Variants in FOXK1 observed in about 807,000 individuals in gnomAD.
FOXK1 encodes forkhead box K1, also known as forkhead box protein K1.
In FOXK1, 19 loss-of-function variants were observed where a neutral mutation model predicts 51.9. That is an observed-to-expected ratio of 0.37 (90% CI 0.26 to 0.54). The LOEUF (loss-of-function observed/expected upper bound fraction) is 0.54, where lower values mean the gene tolerates loss of function less well. Among genes scored for constraint, FOXK1 ranks in the 20% least tolerant of loss-of-function variants. FOXK1 has a pLI of 0.87. For synonymous variants in FOXK1, 537 were observed against 482.6 expected (o/e 1.11, Z -1.48); for missense variants, 870 against 1,032.7 (o/e 0.84, Z 2.16).
chr7:4,748,446 T>C lies in FOXK1; in HGVS notation c.747-6013T>C, dbSNP rs1780734137. Among the ~76,000 whole-genome samples, 1 of 152,198 alleles carries C rather than the reference T, an allele frequency of 6.6e-6. No individual in the cohort carries two copies. Among genetic ancestry groups the C allele is most frequent in the Non-Finnish European group, 1.5e-5 (1 of 68,040 alleles). On this transcript the variant is annotated intron_variant, in intron 2 of 8. Coordinates refer to ENST00000328914, the MANE Select transcript of FOXK1 (RefSeq NM_001037165.2). The surrounding 1 kb of genome is among the most constrained non-coding windows in gnomAD (Gnocchi z 4.9). ...TGTAGCGCTTAGCCATTTCCTTCCT[T>C]GTACTTTTGGCTTATTTCCGCCACA...
Position 4,761,371 on chromosome 7 carries a change from A to C in FOXK1, c.1921+83A>C, listed in dbSNP as rs1292541122. The C allele has an allele frequency of 7.6e-7, 1 of 1,317,286 alleles. No individual in the cohort carries two copies. Among genetic ancestry groups the C allele is most frequent in the African/African-American group, 1.5e-5 (1 of 68,734 alleles). 81.6% of individuals were successfully genotyped at this position (1,317,286 alleles called of 1,614,324 possible). Reference sequence around the variant, plus strand: ...CAGTGCGGCATGAGAATGTTCTCCCAGTATCTCCCGATCCTCCACTCAGTT... The same window carrying C: ...CAGTGCGGCATGAGAATGTTCTCCCCGTATCTCCCGATCCTCCACTCAGTT... On this transcript the variant is annotated intron_variant, in intron 8 of 8. Coordinates refer to ENST00000328914, the MANE Select transcript of FOXK1 (RefSeq NM_001037165.2). The surrounding 1 kb of genome is among the most constrained non-coding windows in gnomAD (Gnocchi z 6.2).
chr7:4,727,599 C>G (rs1226248437), intron 1 of FOXK1, among the ~76,000 whole-genome samples: 1 of 152,180 alleles, frequency 6.6e-6, no homozygotes, highest in East Asian at 1.9e-4. Context: ...ACAGGCTTAG[C>G]CACGGCGCCC....
chr7:4,719,767 C>T (rs1349536000), intron 1 of FOXK1, among the ~76,000 whole-genome samples: 1 of 152,226 alleles, frequency 6.6e-6, no homozygotes. Context: ...CAGGTTTGAG[C>T]CACCGCGCCC....
chr7:4,708,346 G>A (rs930416728), intron 1 of FOXK1, among the ~76,000 whole-genome samples: 8 of 152,124 alleles, frequency 5.3e-5, no homozygotes, highest in South Asian at 2.1e-4. Flanking sequence ...GGAAGCCCCC[G>A]TGGATCGGGA....
chr7:4,708,218 G>C (rs1351177032), intron 1 of FOXK1, among the ~76,000 whole-genome samples: 1 of 152,164 alleles, frequency 6.6e-6, no homozygotes, highest in Non-Finnish European at 1.5e-5. Flanking sequence ...ATGCTGTGTG[G>C]CTTTGTTTGG....
chr7:4,728,213 T>A (rs572027292), intron 1 of FOXK1, among the ~76,000 whole-genome samples: 1 of 152,330 alleles, frequency 6.6e-6, no homozygotes, highest in South Asian at 2.1e-4. Flanking sequence ...CGTTCTCTGA[T>A]TCTTTGGATC....
chr7:4,749,869 C>G lies in FOXK1; in HGVS notation c.747-4590C>G, dbSNP rs372818424. Among the ~76,000 whole-genome samples, 6 of 152,324 alleles carry G rather than the reference C, an allele frequency of 3.9e-5. No individual in the cohort carries two copies. In the South Asian group the frequency reaches 6.2e-4, roughly 16 times the overall value. On this transcript the variant is annotated intron_variant, in intron 2 of 8. Coordinates refer to ENST00000328914, the MANE Select transcript of FOXK1 (RefSeq NM_001037165.2). The surrounding 1 kb of genome is among the most constrained non-coding windows in gnomAD (Gnocchi z 6.0). Reference sequence around the variant, plus strand: ...GGATTTGCCTTTCTCAGCGTGACTTCTCATCATAACGTGACCCAGCGACCT... The same window carrying G: ...GGATTTGCCTTTCTCAGCGTGACTTGTCATCATAACGTGACCCAGCGACCT...
chr7:4,722,463 G>A lies in FOXK1; in HGVS notation c.561-18375G>A, dbSNP rs1216762789. ...CCGTGGCCAAGTGGCAGCGGTGCCGGACATACACGGCAGGGCAGTGGGCTG... is the reference window on the plus strand; with the variant it reads ...CCGTGGCCAAGTGGCAGCGGTGCCGAACATACACGGCAGGGCAGTGGGCTG... On this transcript the variant is annotated intron_variant, in intron 1 of 8. Coordinates refer to ENST00000328914, the MANE Select transcript of FOXK1 (RefSeq NM_001037165.2). The surrounding 1 kb of genome is among the most constrained non-coding windows in gnomAD (Gnocchi z 5.1). Among the ~76,000 whole-genome samples the A allele has an allele frequency of 1.3e-5, 2 of 152,256 alleles. No homozygotes were observed. Among genetic ancestry groups the A allele is most frequent in the African/African-American group, 2.4e-5 (1 of 41,472 alleles).
At chr7:4,727,496 A>G (rs1780395504) in intron 1 of FOXK1, among the ~76,000 whole-genome samples, 1 of 151,646 alleles carries the variant, frequency 6.6e-6, no homozygotes, top group South Asian at 2.1e-4. Context: ...TTATATATTT[A>G]GTAGAGACCC....
chr7:4,739,397 ATTGTTTTTGTTT>A (rs766361341), intron 1 of FOXK1, among the ~76,000 whole-genome samples: 26 of 152,108 alleles, frequency 1.7e-4, no homozygotes, highest in East Asian at 3.9e-4. Flanking sequence ...GCTGCTTTAC[ATTGTTTTTGTTT>A]TTGTTTTTGT....
intron 1 of FOXK1, among the ~76,000 whole-genome samples, chr7:4,688,801 G>C (rs1257868542): frequency 6.6e-6 from 1 of 151,814 alleles, no homozygotes; most frequent in African/African-American, 2.4e-5. Flanking sequence ...CTGTAAACTG[G>C]TTACTAGACC....
rs1263443396 is a variant in FOXK1 at position 4,731,927 on chromosome 7, C to T, written c.561-8911C>T. 1.3e-5 allele frequency among the ~76,000 whole-genome samples: 2 copies of T among 152,218 alleles called. No homozygotes were observed. Among genetic ancestry groups the T allele is most frequent in the Non-Finnish European group, 2.9e-5 (2 of 68,036 alleles). On this transcript the variant is annotated intron_variant, in intron 1 of 8. Coordinates refer to ENST00000328914, the MANE Select transcript of FOXK1 (RefSeq NM_001037165.2). This position sits in a 1 kb window ranked among gnomAD's most constrained non-coding sequence, Gnocchi z 5.3. ...GCCGTCCGGTCAGGACTGATGTTCA[C>T]GGCATGGAGACCTGAGGCCACACGG... is the stretch of plus-strand genomic sequence containing the variant.
chr7:4,737,540 G>A lies in FOXK1; in HGVS notation c.561-3298G>A, dbSNP rs189635882. Among the ~76,000 whole-genome samples the A allele has an allele frequency of 3.8e-3, 508 of 133,186 alleles. 2 individuals carry two copies. Among genetic ancestry groups the A allele is most frequent in the African/African-American group, 0.013 (431 of 33,354 alleles). 87.4% of individuals were successfully genotyped at this position (133,186 alleles called of 152,430 possible). A position where few individuals can be genotyped will look rare whatever the true frequency, so the allele number is the denominator to read the frequency against. On this transcript the variant is annotated intron_variant, in intron 1 of 8. Coordinates refer to ENST00000328914, the MANE Select transcript of FOXK1 (RefSeq NM_001037165.2). ...TGCATGCATGTGTGCATTCATGCAC[G>A]TGTGTGCGTGCCTGTGTGTGTGTGT...
At position 4,743,985 on chromosome 7, in the gene FOXK1, C is replaced by T. The variant is rs1333234095; in HGVS notation, c.746+2962C>T. ...TCCACCTCCCTGGTTCAAGCAATTCCCCTGTCTCAGCCTTGAGAGTAGGTG... is the reference window on the plus strand; with the variant it reads ...TCCACCTCCCTGGTTCAAGCAATTCTCCTGTCTCAGCCTTGAGAGTAGGTG... On this transcript the variant is annotated intron_variant, in intron 2 of 8. Transcript: ENST00000328914. This position sits in a 1 kb window ranked among gnomAD's most constrained non-coding sequence, Gnocchi z 5.3. Among the ~76,000 whole-genome samples, 1 of 151,946 alleles carries T rather than the reference C, an allele frequency of 6.6e-6. No homozygotes were observed. Among genetic ancestry groups the T allele is most frequent in the Non-Finnish European group, 1.5e-5 (1 of 67,994 alleles).
chr7:4,759,009 C>T (rs1331887278), intron 5 of FOXK1, 42 bp from the exon 6 acceptor site: 2 of 1,535,782 alleles, frequency 1.3e-6, no homozygotes, highest in South Asian at 1.3e-5. Flanking sequence ...TCGCATCCCT[C>T]AGCGCGGGCG....
rs1251351117 is a variant in FOXK1, at chr7:4,768,335, T to G, written c.*5871T>G. 1 of 139,412 alleles carries G rather than the reference T, an allele frequency of 7.2e-6. No homozygotes were observed. The highest frequency in any genetic ancestry group is 1.5e-5 in the Non-Finnish European group (1 of 67,154). 8.6% of individuals were successfully genotyped at this position (139,412 alleles called of 1,614,324 possible). On this transcript the variant is annotated 3_prime_UTR_variant, in exon 9 of 9. Coordinates refer to ENST00000328914, the MANE Select transcript of FOXK1 (RefSeq NM_001037165.2). ...TTTTAGTAGAGACGGGGTTTCACCG[T>G]GTTAGCCAGGATGGTCTCGATCTCC...
At chr7:4,710,927 C>T (rs1780166374) in intron 1 of FOXK1, among the ~76,000 whole-genome samples, 1 of 152,136 alleles carries the variant, frequency 6.6e-6, no homozygotes, top group African/African-American at 2.4e-5. Flanking sequence ...GTAGTTCCTT[C>T]TGGGTAGAGA....
chr7:4,715,275 G>A lies in FOXK1; in HGVS notation c.561-25563G>A, dbSNP rs1453453109. Among the ~76,000 whole-genome samples, 1 of 151,540 alleles carries A rather than the reference G, an allele frequency of 6.6e-6. No individual in the cohort carries two copies. Among genetic ancestry groups the A allele is most frequent in the African/African-American group, 2.4e-5 (1 of 41,056 alleles). ...TACGGTGCATGGTGTTTTGTTTCAAGGAGAGATCGTAAGTCATGGCTTCAG... is the reference window on the plus strand; with the variant it reads ...TACGGTGCATGGTGTTTTGTTTCAAAGAGAGATCGTAAGTCATGGCTTCAG... On this transcript the variant is annotated intron_variant, in intron 1 of 8. Transcript: ENST00000328914. The surrounding 1 kb of genome is among the most constrained non-coding windows in gnomAD (Gnocchi z 4.5).
chr7:4,750,036 G>A (rs1583208664), intron 2 of FOXK1, among the ~76,000 whole-genome samples: 1 of 152,340 alleles, frequency 6.6e-6, no homozygotes, highest in South Asian at 2.1e-4. Flanking sequence ...GTCCCTGTGA[G>A]CACAGCTCCG....
Sources: gnomAD v4.1 joint callset for allele counts (sites outside exome capture counted in the v4.1 genomes callset) on GRCh38, gnomAD v4.1.1 for gene constraint, Gnocchi (gnomAD v3.1) non-coding constraint, MANE v1.5 for transcripts, NCBI Gene and HGNC (gene_info 2026-07-23, HGNC 2026-07-21) for gene names.